Variants in OR56A3 observed in about 807,000 individuals in gnomAD.
OR56A3 encodes olfactory receptor family 56 subfamily A member 3.
A neutral mutation model predicts 17.5 loss-of-function variants in OR56A3; 23 were observed. The observed-to-expected ratio is 1.32, with a 90% CI of 0.95 to 1.87. The LOEUF is 1.87. Ranked by LOEUF, OR56A3 falls within the 40% of genes most tolerant of loss-of-function variation. The pLI is 0.00. For missense variants in OR56A3, 366 were observed against 380.1 expected, an observed-to-expected ratio of 0.96 and a Z score of 0.31; for synonymous variants, 175 against 150.6, an observed-to-expected ratio of 1.16 and a Z score of -1.19.
At chr11:5,959,583 T>C in the OR56A3 span, among the ~76,000 whole-genome samples, 1 of 152,216 alleles carries the variant, frequency 6.6e-6, no homozygotes, top group Non-Finnish European at 1.5e-5. Context: ...TCACAAATAC[T>C]TTCTTCCATT....
At chr11:5,982,012 A>T in the OR56A3 span, among the ~76,000 whole-genome samples, 4 of 152,164 alleles carry the variant, frequency 2.6e-5, no homozygotes, top group African/African-American at 9.7e-5. Context: ...TGGCCCCTCT[A>T]AGCTAAGCAC....
the OR56A3 span, chr11:5,994,924 A>C: frequency 2.7e-6 from 2 of 749,388 alleles, no homozygotes; most frequent in South Asian, 1.3e-5. Flanking sequence ...TCTCCTTCTC[A>C]TTCTGGATGC....
rs188845678 is a variant in OR56A3, at chr11:5,948,025, C to A, written c.679C>A (p.Arg227=). Residue 227 remains arginine, a synonymous_variant, in exon 3 of 3, where the codon CGA becomes AGA. Transcript: ENST00000641160. Reference sequence around the variant, plus strand: ...CTTCCTCTCCTACACCTTCATTCTGCGAGCTGTGCTGAGACTCAAGGCAGA... The same window carrying A: ...CTTCCTCTCCTACACCTTCATTCTGAGAGCTGTGCTGAGACTCAAGGCAGA... ...LIFLSYTFIL[R]AVLRLKAEGA... 5 of 1,614,194 alleles carry A rather than the reference C, an allele frequency of 3.1e-6. No individual in the cohort carries two copies. Among genetic ancestry groups the A allele is most frequent in the Non-Finnish European group, 4.2e-6 (5 of 1,180,036 alleles).
At chr11:5,967,962 T>C in the OR56A3 span, 12 of 1,593,960 alleles carry the variant, frequency 7.5e-6, no homozygotes, top group African/African-American at 1.3e-4. Flanking sequence ...GATGCAGTTC[T>C]TGATGATGTG....
the OR56A3 span, among the ~76,000 whole-genome samples, chr11:5,982,734 G>A: frequency 7.3e-3 from 1,115 of 152,228 alleles, 10 homozygotes; most frequent in Middle Eastern, 0.017. Context: ...CTGGAGTCCC[G>A]TTCCTTCCAT....
the OR56A3 span, chr11:5,986,390 A>G: frequency 6.2e-7 from 1 of 1,614,000 alleles, no homozygotes; most frequent in Non-Finnish European, 8.5e-7. Flanking sequence ...AGTGTTCCCA[A>G]CAAAATGGGG....
At chr11:6,009,674 C>T in the OR56A3 span, among the ~76,000 whole-genome samples, 4 of 152,006 alleles carry the variant, frequency 2.6e-5, no homozygotes, top group South Asian at 2.1e-4. Context: ...ACTATTTATC[C>T]GGCTCTATTC....
chr11:6,004,310 C>T, the OR56A3 span, among the ~76,000 whole-genome samples: 15 of 151,948 alleles, frequency 9.9e-5, no homozygotes, highest in Admixed American at 2.6e-4. Context: ...GCCGAGATCA[C>T]GCCACTGCAC....
the OR56A3 span, among the ~76,000 whole-genome samples, chr11:6,010,063 GTT>G: frequency 2.0e-5 from 3 of 151,646 alleles, no homozygotes; most frequent in African/African-American, 4.8e-5. Flanking sequence ...AGTCATAGGT[GTT>G]TTTTTAAAAA....
chr11:5,962,953 A>G, the OR56A3 span, among the ~76,000 whole-genome samples: 6 of 152,224 alleles, frequency 3.9e-5, no homozygotes, highest in East Asian at 9.7e-4. Context: ...AAATGCTTCA[A>G]TTTCTTCGAG....
At chr11:5,958,554 T>C in the OR56A3 span, among the ~76,000 whole-genome samples, 1 of 152,158 alleles carries the variant, frequency 6.6e-6, no homozygotes, top group Non-Finnish European at 1.5e-5. Flanking sequence ...TGTTTTGAAG[T>C]ATATATGCAT....
chr11:6,012,690 A>G, the OR56A3 span, among the ~76,000 whole-genome samples: 6 of 152,174 alleles, frequency 3.9e-5, no homozygotes, highest in African/African-American at 1.4e-4. Context: ...CAAGCCCAGA[A>G]AAGGCACCAC....
At chr11:5,968,799 C>T in the OR56A3 span, among the ~76,000 whole-genome samples, 1 of 151,892 alleles carries the variant, frequency 6.6e-6, no homozygotes, top group East Asian at 1.9e-4. Context: ...AAAAAAATTC[C>T]AAATTATACT....
chr11:5,951,542 A>T (rs1847908085), downstream of OR56A3, among the ~76,000 whole-genome samples: 1 of 152,160 alleles, frequency 6.6e-6, no homozygotes, highest in South Asian at 2.1e-4. Flanking sequence ...TGAAACTCAG[A>T]TTGTGCTGGT....
chr11:6,010,224 T>C, the OR56A3 span, among the ~76,000 whole-genome samples: 7 of 152,244 alleles, frequency 4.6e-5, no homozygotes, highest in Non-Finnish European at 8.8e-5. Flanking sequence ...CTAATTCTAC[T>C]GACTCTTGCT....
chr11:5,967,010 A>C, the OR56A3 span, among the ~76,000 whole-genome samples: 1 of 152,120 alleles, frequency 6.6e-6, no homozygotes, highest in African/African-American at 2.4e-5. Flanking sequence ...TTAGATAAAA[A>C]TATTAACAAG....
the OR56A3 span, among the ~76,000 whole-genome samples, chr11:5,987,188 T>C: frequency 6.6e-6 from 1 of 152,230 alleles, no homozygotes. Flanking sequence ...CAGTTGCTTA[T>C]ATTTTGGAAC....
intron 2 of OR56A3, 84 bp from the exon 3 acceptor site, chr11:5,947,227 C>A: frequency 1.1e-6 from 1 of 939,920 alleles, no homozygotes; most frequent in Non-Finnish European, 1.6e-6. Flanking sequence ...CTGCTAGAAA[C>A]CACAAGTTGT....
chr11:5,967,416 A>G, the OR56A3 span: 3 of 648,190 alleles, frequency 4.6e-6, no homozygotes, highest in African/African-American at 1.8e-5. Flanking sequence ...AGATATCCCT[A>G]TAATCAATTG....
Sources: allele counts gnomAD v4.1 joint callset (sites outside exome capture counted in the v4.1 genomes callset), GRCh38; gene constraint gnomAD v4.1.1; transcripts MANE v1.5; gene names NCBI Gene and HGNC (gene_info 2026-07-23, HGNC 2026-07-21).